Variants in MTNR1A observed in about 807,000 individuals in gnomAD.
The protein encoded by MTNR1A is melatonin receptor 1A.
Under a neutral mutation model 5.5 loss-of-function variants are expected in MTNR1A, and 7 were observed. That is an observed-to-expected ratio of 1.28 (90% CI 0.73 to 2.40). The LOEUF is 2.40. MTNR1A is among the 30% of genes most tolerant of loss of function. The pLI, the probability that MTNR1A is intolerant of heterozygous loss-of-function variation, is 0.00. For missense variants in MTNR1A, 441 were observed against 464.4 expected (o/e 0.95, Z 0.46); for synonymous variants, 196 against 202.7 (o/e 0.97, Z 0.28).
intron 1 of MTNR1A, among the ~76,000 whole-genome samples, chr4:186,538,123 C>T (rs775845781): frequency 5.9e-5 from 9 of 152,166 alleles, no homozygotes; most frequent in Non-Finnish European, 8.8e-5. Context: ...AGCAGCACGA[C>T]GTTGCTTTTC....
chr4:186,555,442 CG>C lies in MTNR1A; in HGVS notation c.-78del. On this transcript the variant is annotated 5_prime_UTR_variant, in exon 1 of 2. An upstream open reading frame in the 5' UTR loses its in-frame stop. Transcript: ENST00000307161. The surrounding 1 kb of genome is among the most constrained non-coding windows in gnomAD (Gnocchi z 4.1). ...CCCGACCACTTGTTAAGGCTCCGCCCGGCGCTCCCCGCGCCCACGCCCCATC... is the reference window on the plus strand; with the variant it reads ...CCCGACCACTTGTTAAGGCTCCGCCCGCGCTCCCCGCGCCCACGCCCCATC... 1 of 1,205,550 alleles carries C rather than the reference CG, an allele frequency of 8.3e-7. No individual in the cohort carries two copies. Among genetic ancestry groups the C allele is most frequent in the Non-Finnish European group, 1.0e-6 (1 of 952,630 alleles). 74.7% of individuals were successfully genotyped at this position (1,205,550 alleles called of 1,614,324 possible). A position where few individuals can be genotyped will look rare whatever the true frequency, so the allele number is the denominator to read the frequency against.
intron 1 of MTNR1A, among the ~76,000 whole-genome samples, chr4:186,547,383 A>C (rs1311802835): frequency 6.9e-6 from 1 of 144,196 alleles, no homozygotes; most frequent in Non-Finnish European, 1.5e-5. Context: ...TCCACACCAC[A>C]CCCTGTTCGT....
At chr4:186,536,494 T>C (rs1736855313) in intron 1 of MTNR1A, among the ~76,000 whole-genome samples, 1 of 152,162 alleles carries the variant, frequency 6.6e-6, no homozygotes, top group Non-Finnish European at 1.5e-5. Context: ...GATTTCGCCT[T>C]CTATTCTATT....
At chr4:186,543,699 T>C (rs536927349) in intron 1 of MTNR1A, among the ~76,000 whole-genome samples, 1 of 152,354 alleles carries the variant, frequency 6.6e-6, no homozygotes, top group African/African-American at 2.4e-5. Flanking sequence ...TGATGTAAAG[T>C]TGCATAAAGA....
chr4:186,540,648 CT>C (rs1736994361), intron 1 of MTNR1A, among the ~76,000 whole-genome samples: 1 of 152,062 alleles, frequency 6.6e-6, no homozygotes, highest in African/African-American at 2.4e-5. Context: ...GGACCAGGTG[CT>C]GTCTGTCTGA....
chr4:186,541,331 G>A (rs1243355235), intron 1 of MTNR1A, among the ~76,000 whole-genome samples: 4 of 152,170 alleles, frequency 2.6e-5, no homozygotes, highest in Non-Finnish European at 5.9e-5. Flanking sequence ...AGGAGAGAGG[G>A]CCACAGGTTT....
At chr4:186,537,606 T>C (rs1736889572) in intron 1 of MTNR1A, among the ~76,000 whole-genome samples, 1 of 152,270 alleles carries the variant, frequency 6.6e-6, no homozygotes, top group Non-Finnish European at 1.5e-5. Flanking sequence ...TCTCCCTGGA[T>C]AATTCCTACT....
intron 1 of MTNR1A, among the ~76,000 whole-genome samples, chr4:186,536,352 A>G (rs1026130574): frequency 2.8e-5 from 4 of 141,258 alleles, no homozygotes; most frequent in African/African-American, 1.0e-4. Flanking sequence ...GTATCAAAAA[A>G]AAAAAAGAAA....
In MTNR1A at chr4:186,536,538, T is replaced by C. The variant is rs143649356; in HGVS notation, c.185-1981A>G. On this transcript the variant is annotated intron_variant, in intron 1 of 1. Transcript: ENST00000307161. Reference sequence around the variant, plus strand: ...GGCCAGGCTTCCCTGCGTCTCCAGATGGTGGCCCTCGTGAGTACATTTCCT... The same window carrying C: ...GGCCAGGCTTCCCTGCGTCTCCAGACGGTGGCCCTCGTGAGTACATTTCCT... Among the ~76,000 whole-genome samples, 960 of 152,202 alleles carry C rather than the reference T, an allele frequency of 6.3e-3. 14 individuals are homozygous for C. The highest frequency in any genetic ancestry group is 0.022 in the African/African-American group (905 of 41,522).
intron 1 of MTNR1A, among the ~76,000 whole-genome samples, chr4:186,548,032 T>A (rs1039863207): frequency 2.6e-5 from 4 of 152,212 alleles, no homozygotes; most frequent in African/African-American, 9.6e-5. Flanking sequence ...ATACTGTACC[T>A]TTATTCGTCT....
chr4:186,534,519 C>A lies in MTNR1A; in HGVS notation c.223G>T (p.Val75Leu), dbSNP rs748643650. ...FVVSLAVADLVVAIYPYPLVL... is the reference protein window; with the variant it reads ...FVVSLAVADLLVAIYPYPLVL... ...AACGGGTACGGATAAATGGCCACCA[C>A]CAGGTCTGCCACCGCTAAGCTCACC... The change falls in exon 2 of 2, where the codon GTG becomes TTG. Residue 75 changes from valine (V) to leucine (L), a missense_variant. By Grantham distance (32) the Val-to-Leu change is conservative. Coordinates refer to ENST00000307161, the MANE Select transcript of MTNR1A (RefSeq NM_005958.4). 10 of 1,613,536 alleles carry A rather than the reference C, an allele frequency of 6.2e-6. 1 individual carries two copies. Among genetic ancestry groups the A allele is most frequent in the East Asian group, 4.5e-5 (2 of 44,894 alleles).
chr4:186,545,348 G>A (rs533631887), intron 1 of MTNR1A, among the ~76,000 whole-genome samples: 3 of 152,162 alleles, frequency 2.0e-5, no homozygotes, highest in East Asian at 1.9e-4. Flanking sequence ...ACCTCACTAC[G>A]TGTGCATCTG....
chr4:186,542,589 A>C (rs1385215963), intron 1 of MTNR1A, among the ~76,000 whole-genome samples: 4 of 152,156 alleles, frequency 2.6e-5, no homozygotes, highest in African/African-American at 9.7e-5. Context: ...ATCATGTGGC[A>C]CCTGCTCTAA....
At position 186,534,386 on chromosome 4, in the gene MTNR1A, G is replaced by C; in HGVS notation, c.356C>G (p.Thr119Ser). Residue 119 changes from threonine (T) to serine (S), a missense_variant, in exon 2 of 2, where the codon ACC becomes AGC. Physicochemically the swap from Thr to Ser is moderately conservative, Grantham distance 58. Transcript: ENST00000307161. ...LSVIGSIFNI[T>S]GIAINRYCYI... ...GCAGTAGCGGTTGATGGCGATGCCG[G>C]TGATGTTGAATATGGAGCCGATGAC... The C allele has an allele frequency of 6.2e-7, 1 of 1,614,112 alleles. No homozygotes were observed. Among genetic ancestry groups the C allele is most frequent in the Non-Finnish European group, 8.5e-7 (1 of 1,180,026 alleles).
At chr4:186,543,850 T>A (rs908858906) in intron 1 of MTNR1A, among the ~76,000 whole-genome samples, 12 of 147,776 alleles carry the variant, frequency 8.1e-5, no homozygotes, top group Admixed American at 5.9e-4. Context: ...AGAACCCAAG[T>A]TGTCAAGGGG....
At chr4:186,552,780 G>C (rs931129454) in intron 1 of MTNR1A, among the ~76,000 whole-genome samples, 2 of 152,186 alleles carry the variant, frequency 1.3e-5, no homozygotes, top group Admixed American at 6.5e-5. Flanking sequence ...TCTAATCCTA[G>C]CGTTCCATTG....
chr4:186,543,418 A>T (rs748991648), intron 1 of MTNR1A, among the ~76,000 whole-genome samples: 6 of 152,274 alleles, frequency 3.9e-5, no homozygotes, highest in Non-Finnish European at 8.8e-5. Context: ...GCAAAGAGCC[A>T]GAGGGCAGAG....
intron 1 of MTNR1A, among the ~76,000 whole-genome samples, chr4:186,539,953 T>A (rs1455029953): frequency 2.0e-5 from 3 of 152,152 alleles, no homozygotes; most frequent in Non-Finnish European, 2.9e-5. Context: ...AAAGACATAC[T>A]CGAGACTGGG....
At chr4:186,540,131 G>A (rs1736976804) in intron 1 of MTNR1A, among the ~76,000 whole-genome samples, 1 of 152,192 alleles carries the variant, frequency 6.6e-6, no homozygotes, top group African/African-American at 2.4e-5. Context: ...ATCAGATCTT[G>A]TGAGGCTTAT....
Sources: allele counts gnomAD v4.1 joint callset (sites outside exome capture counted in the v4.1 genomes callset), GRCh38; gene constraint gnomAD v4.1.1; non-coding constraint Gnocchi (gnomAD v3.1); transcripts MANE v1.5; gene names NCBI Gene and HGNC (gene_info 2026-07-23, HGNC 2026-07-21).